STRN: variants seen among roughly 807,000 people sequenced by gnomAD.
STRN encodes striatin.
STRN carries 53 observed loss-of-function variants against 96.3 expected under a neutral mutation model. The observed-to-expected ratio is 0.55, with a 90% CI of 0.44 to 0.69. The LOEUF (loss-of-function observed/expected upper bound fraction) is 0.69. Among genes scored for constraint, STRN ranks in the 30% least tolerant of loss-of-function variants. The pLI, the probability that STRN is intolerant of heterozygous loss-of-function variation, is 0.00. For synonymous variants in STRN, 428 were observed against 355.9 expected (o/e 1.20, Z -2.28); for missense variants, 987 against 963.9 (o/e 1.02, Z -0.32).
rs1160655770 is a variant in STRN at position 36,847,036 on chromosome 2, T to TA, written c.*2419dup. 6.6e-6 allele frequency: 1 copy of TA among 152,174 alleles called. No individual in the cohort carries two copies. The highest frequency in any genetic ancestry group is 2.4e-5 in the African/African-American group (1 of 41,454). The allele number at this position is 152,174 out of a possible 1,614,324, so 9.4% of individuals were successfully genotyped here. On this transcript the variant is annotated 3_prime_UTR_variant, in exon 18 of 18. Transcript: ENST00000263918. The stretch of plus-strand genomic sequence containing the variant: ...CTAGGGGAAAAGTCAGACACATGTA[T>TA]ATGCTACTCTGGTTGGAAGACAGCT...
chr2:36,957,846 G>GC lies in STRN; in HGVS notation c.234+8383_234+8384insG, dbSNP rs552739903. Among the ~76,000 whole-genome samples the GC allele has an allele frequency of 3.6e-3, 491 of 135,716 alleles. 6 individuals carry two copies. Among genetic ancestry groups the GC allele is most frequent in the African/African-American group, 0.013 (470 of 37,074 alleles). The allele number at this position is 135,716 out of a possible 152,430, so 89.0% of individuals were successfully genotyped here. ...GCTCACTGCAACCTCTGCCTCCCAG[G>GC]TTCAGGTGATTCTCCTGCCTCAGCC... On this transcript the variant is annotated intron_variant, in intron 1 of 17. Transcript: ENST00000263918.
chr2:36,849,797 T>C lies in STRN; in HGVS notation c.2090A>G (p.Lys697Arg), dbSNP rs755920111. The C allele has an allele frequency of 9.9e-6, 16 of 1,614,006 alleles. No homozygotes were observed. Among genetic ancestry groups the C allele is most frequent in the Non-Finnish European group, 1.4e-5 (16 of 1,179,996 alleles). ...GTGGGCTACCATCGAGTGGATCAGT[T>C]TGCCTTTGGAAAAAGAGATTGTTAC... Reference protein sequence around the residue: ...HIKFYDNNTGKLIHSMVAHLE... With the variant: ...HIKFYDNNTGRLIHSMVAHLE... The change falls in exon 17 of 18, where the codon AAA becomes AGA. Residue 697 changes from lysine to arginine, a missense_variant. By Grantham distance (26) the Lys-to-Arg change is conservative (BLOSUM62 2). Transcript: ENST00000263918.
At chr2:36,873,882 G>A (rs2148157241) in intron 10 of STRN, among the ~76,000 whole-genome samples, 1 of 150,980 alleles carries the variant, frequency 6.6e-6, no homozygotes, top group East Asian at 2.0e-4. Context: ...GGCAGAGGTT[G>A]CAGTGAGCCG....
At chr2:36,894,588 C>G (rs1231886952) in intron 6 of STRN, among the ~76,000 whole-genome samples, 6 of 152,146 alleles carry the variant, frequency 3.9e-5, no homozygotes, top group Non-Finnish European at 7.4e-5. Flanking sequence ...TGAACTGTCT[C>G]CATCTCAGTC....
intron 1 of STRN, among the ~76,000 whole-genome samples, chr2:36,965,371 C>T (rs1665133073): frequency 6.6e-6 from 1 of 152,232 alleles, no homozygotes; most frequent in Non-Finnish European, 1.5e-5. Flanking sequence ...ATCAGCCTCA[C>T]TTTCATTCTT....
chr2:36,888,670 T>TGTGTGTGTGC (rs775385738), intron 7 of STRN, among the ~76,000 whole-genome samples: 2 of 149,048 alleles, frequency 1.3e-5, no homozygotes, highest in African/African-American at 4.9e-5. Context: ...TGTGTGTGTG[T>TGTGTGTGTGC]GCATTTATTT....
chr2:36,924,355 C>CCA (rs547331177), intron 2 of STRN, among the ~76,000 whole-genome samples: 5 of 103,324 alleles, frequency 4.8e-5, no homozygotes, highest in Non-Finnish European at 9.9e-5. Flanking sequence ...GACTCCGTTT[C>CCA]AAAAAAAAAA....
At chr2:36,938,891 A>C (rs1670771896) in intron 1 of STRN, among the ~76,000 whole-genome samples, 1 of 152,210 alleles carries the variant, frequency 6.6e-6, no homozygotes, top group Non-Finnish European at 1.5e-5. Context: ...TACTTGTAAG[A>C]AATATTTAAA....
intron 2 of STRN, among the ~76,000 whole-genome samples, chr2:36,922,201 T>A (rs1282829323): frequency 6.6e-6 from 1 of 152,088 alleles, no homozygotes; most frequent in Non-Finnish European, 1.5e-5. Context: ...TTCTTGCAAC[T>A]CCTCTATTAG....
At chr2:36,862,506 G>C (rs1474321530) in intron 12 of STRN, among the ~76,000 whole-genome samples, 5 of 152,062 alleles carry the variant, frequency 3.3e-5, no homozygotes, top group African/African-American at 1.2e-4. Context: ...AATAAGTGTT[G>C]TTGAGCATTT....
chr2:36,877,147 C>T (rs969487590), intron 10 of STRN, among the ~76,000 whole-genome samples: 1 of 152,138 alleles, frequency 6.6e-6, no homozygotes, highest in Non-Finnish European at 1.5e-5. Flanking sequence ...GATGGGTCAG[C>T]CTTAACATCT....
intron 1 of STRN, among the ~76,000 whole-genome samples, chr2:36,948,874 C>T (rs1188314275): frequency 3.3e-5 from 5 of 152,008 alleles, no homozygotes; most frequent in Non-Finnish European, 7.4e-5. Context: ...ACAAGGTGGT[C>T]GAAGGACATT....
chr2:36,890,765 T>G (rs2148184341), intron 7 of STRN, among the ~76,000 whole-genome samples: 1 of 152,290 alleles, frequency 6.6e-6, no homozygotes, highest in Admixed American at 6.5e-5. Flanking sequence ...ATTACAGGCG[T>G]GAGCCACTGC....
chr2:36,907,202 T>C (rs1191372060), intron 3 of STRN, among the ~76,000 whole-genome samples: 1 of 152,200 alleles, frequency 6.6e-6, no homozygotes, highest in Non-Finnish European at 1.5e-5. Context: ...TAGGATCTTA[T>C]TCAAGTGGAG....
At chr2:36,907,130 T>C (rs568151428) in intron 3 of STRN, among the ~76,000 whole-genome samples, 3 of 152,256 alleles carry the variant, frequency 2.0e-5, no homozygotes, top group Admixed American at 1.3e-4. Context: ...ACATTAACAG[T>C]ACAAAAAAAG....
At chr2:36,902,294 G>T (rs901634308) in intron 5 of STRN, among the ~76,000 whole-genome samples, 2 of 152,058 alleles carry the variant, frequency 1.3e-5, no homozygotes, top group African/African-American at 4.8e-5. Context: ...GATTTGTACT[G>T]AATTTCCAAA....
chr2:36,945,651 C>T (rs1670962136), intron 1 of STRN, among the ~76,000 whole-genome samples: 1 of 151,396 alleles, frequency 6.6e-6, no homozygotes, highest in South Asian at 2.1e-4. Flanking sequence ...GGCGACAGTG[C>T]AAGACTGTCT....
chr2:36,839,751 A>C lies in STRN; in HGVS notation c.*9705T>G, dbSNP rs779640278. The stretch of plus-strand genomic sequence containing the variant: ...TTTAGTAATTTTAATGACAGTTCTT[A>C]CATGGTATATGTTTAATGTTGAGAT... On this transcript the variant is annotated 3_prime_UTR_variant, in exon 18 of 18. Transcript: ENST00000263918. Among the ~76,000 whole-genome samples, 50 of 152,216 alleles carry C rather than the reference A, an allele frequency of 3.3e-4. No individual in the cohort carries two copies. The highest frequency in any genetic ancestry group is 6.2e-4 in the Non-Finnish European group (42 of 68,038).
intron 10 of STRN, among the ~76,000 whole-genome samples, chr2:36,874,233 C>A (rs1361723163): frequency 6.7e-6 from 1 of 149,928 alleles, no homozygotes; most frequent in African/African-American, 2.5e-5. Context: ...CACTGCACTA[C>A]AGCCTGGGCG....
Sources: gnomAD v4.1 joint callset for allele counts (sites outside exome capture counted in the v4.1 genomes callset) on GRCh38, gnomAD v4.1.1 for gene constraint, MANE v1.5 for transcripts, NCBI Gene and HGNC (gene_info 2026-07-23, HGNC 2026-07-21) for gene names.